The following PITX3 variants were observed in gnomAD, a reference collection of about 807,000 sequenced individuals.
PITX3 encodes pituitary homeobox 3.
Under a neutral mutation model 14.2 loss-of-function variants are expected in PITX3, and 4 were observed. That is an observed-to-expected ratio of 0.28 (90% CI 0.14 to 0.65). The LOEUF is 0.65. PITX3 is among the 30% of genes least tolerant of loss of function. PITX3 has a pLI of 0.82. For missense variants in PITX3, 358 were observed against 426.8 expected (o/e 0.84, Z 1.42); for synonymous variants, 194 against 204.5 (o/e 0.95, Z 0.44).
At chr10:102,232,656 T>C (rs2070280005) in intron 1 of PITX3, among the ~76,000 whole-genome samples, 1 of 152,218 alleles carries the variant, frequency 6.6e-6, no homozygotes, top group Non-Finnish European at 1.5e-5. Flanking sequence ...CACTCCAGCC[T>C]GGGTGACAGA....
chr10:102,233,301 C>T (rs199786840), intron 1 of PITX3, among the ~76,000 whole-genome samples: 8 of 88,372 alleles, frequency 9.1e-5, no homozygotes, highest in East Asian at 3.4e-4. Flanking sequence ...TTTTTTTTTC[C>T]TTCTTTTTTT....
At chr10:102,231,254 G>A (rs2070226044) in intron 3 of PITX3, among the ~76,000 whole-genome samples, 153 bp from the exon 4 acceptor site, 1 of 152,192 alleles carries the variant, frequency 6.6e-6, no homozygotes, top group African/African-American at 2.4e-5. Flanking sequence ...AGCGCACGGA[G>A]TCCGGGGTCG....
At chr10:102,231,883 C>G in intron 2 of PITX3, 80 bp downstream of exon 2, 1 of 1,562,450 alleles carries the variant, frequency 6.4e-7, no homozygotes, top group Non-Finnish European at 8.7e-7. Flanking sequence ...TGGCTCCCAC[C>G]GGGGCTGCCC....
chr10:102,240,170 G>A (rs2070496002), intron 1 of PITX3, among the ~76,000 whole-genome samples: 1 of 152,244 alleles, frequency 6.6e-6, no homozygotes, highest in African/African-American at 2.4e-5. Context: ...CTGGTTAATT[G>A]TATTGGAATT....
intron 1 of PITX3, among the ~76,000 whole-genome samples, chr10:102,233,304 C>CTTTTTTTTTTTT (rs35379060): frequency 4.6e-5 from 5 of 107,910 alleles, no homozygotes; most frequent in East Asian, 2.6e-4. Flanking sequence ...TTTTTTCCTT[C>CTTTTTTTTTTTT]TTTTTTTTTT....
intron 1 of PITX3, among the ~76,000 whole-genome samples, chr10:102,237,717 C>T (rs2070434312): frequency 2.0e-5 from 3 of 152,032 alleles, no homozygotes; most frequent in Non-Finnish European, 2.9e-5. Flanking sequence ...ACAAATTTTT[C>T]GTTCTATTCC....
rs1421180854 is a variant in PITX3, at chr10:102,233,625, A to G, written c.-12-1533T>C. ...AGCCTGTTTTGTTTATTATTTCTGA[A>G]GAGATTTCATTTGAAAGAAGGTAAC... is the stretch of plus-strand genomic sequence containing the variant. On this transcript the variant is annotated intron_variant, in intron 1 of 3. Transcript: ENST00000370002. 4.6e-5 allele frequency among the ~76,000 whole-genome samples: 7 copies of G among 151,938 alleles called. No homozygotes were observed. The South Asian group carries it at 6.2e-4, about 14-fold the overall frequency.
At position 102,230,676 on chromosome 10, in the gene PITX3, G is replaced by A. The variant is rs1468549178; in HGVS notation, c.747C>T (p.Ala249=). The change falls in exon 4 of 4, where the codon GCC becomes GCT. Residue 249 remains alanine (A), a synonymous_variant. Transcript: ENST00000370002. The part of the protein sequence containing the change: ...YASAAAAAAA[A]ASSPYVYRDP... Reference sequence around the variant, plus strand: ...CCCGATAGACGTAGGGGGAAGAGGCGGCAGCCGCGGCGGCGGCGGCGGCCG... The same window carrying A: ...CCCGATAGACGTAGGGGGAAGAGGCAGCAGCCGCGGCGGCGGCGGCGGCCG... 1.9e-6 allele frequency: 3 copies of A among 1,582,478 alleles called. No individual in the cohort carries two copies. Among genetic ancestry groups the A allele is most frequent in the Non-Finnish European group, 1.7e-6 (2 of 1,165,450 alleles).
rs748176165 is a variant in PITX3 at position 102,230,973 on chromosome 10, G to A, written c.450C>T (p.Gly150=). ...LVPPYEEVYP[G]YSYGNWPPKA... Reference sequence around the variant, plus strand: ...TGGGCGGCCAGTTGCCGTACGAGTAGCCGGGGTACACCTCCTCGTAGGGCG... The same window carrying A: ...TGGGCGGCCAGTTGCCGTACGAGTAACCGGGGTACACCTCCTCGTAGGGCG... Residue 150 remains glycine, a synonymous_variant, in exon 4 of 4, where the codon GGC becomes GGT. Coordinates refer to ENST00000370002, the MANE Select transcript of PITX3 (RefSeq NM_005029.4). The A allele has an allele frequency of 6.2e-7, 1 of 1,607,484 alleles. No individual in the cohort carries two copies. The highest frequency in any genetic ancestry group is 8.5e-7 in the Non-Finnish European group (1 of 1,177,988).
Position 102,230,765 on chromosome 10 carries a change from C to G in PITX3, c.658G>C (p.Gly220Arg). 1 of 1,500,028 alleles carries G rather than the reference C, an allele frequency of 6.7e-7. No homozygotes were observed. Among genetic ancestry groups the G allele is most frequent in the Non-Finnish European group, 8.9e-7 (1 of 1,127,716 alleles). 92.9% of individuals were successfully genotyped at this position (1,500,028 alleles called of 1,614,324 possible). The change falls in exon 4 of 4, where the codon GGG becomes CGG. Residue 220 changes from glycine to arginine, a missense_variant. By Grantham distance (125) the Gly-to-Arg change is moderately radical. Around this residue, in one of 3 missense-constraint regions of PITX3, gnomAD observed 236 missense variants for 250.2 expected, o/e 0.94. Coordinates refer to ENST00000370002, the MANE Select transcript of PITX3 (RefSeq NM_005029.4). ...PGPGALQGLG[G>R]GPPGLAPAAV... is the part of the protein sequence containing the mutation. ...GCCGGAGCCAGCCCGGGGGGGCCCC[C>G]GCCCAGGCCCTGCAGGGCCCCAGGC...
Position 102,234,488 on chromosome 10 carries a change from G to C in PITX3, c.-12-2396C>G, listed in dbSNP as rs185445051. Among the ~76,000 whole-genome samples the C allele has an allele frequency of 1.5e-3, 223 of 152,272 alleles. 3 individuals are homozygous for C. The highest frequency in any genetic ancestry group is 4.0e-4 in the Non-Finnish European group (27 of 68,012). On this transcript the variant is annotated intron_variant, in intron 1 of 3. Coordinates refer to ENST00000370002, the MANE Select transcript of PITX3 (RefSeq NM_005029.4). ...CCCTTCCAGGTCGGGTCAGGTCAGGGGGTTTGGAGCTGGAAAACTTTGGCC... is the reference window on the plus strand; with the variant it reads ...CCCTTCCAGGTCGGGTCAGGTCAGGCGGTTTGGAGCTGGAAAACTTTGGCC...
intron 1 of PITX3, among the ~76,000 whole-genome samples, chr10:102,239,854 C>T (rs2070487110): frequency 6.6e-6 from 1 of 152,160 alleles, no homozygotes; most frequent in Non-Finnish European, 1.5e-5. Flanking sequence ...GGGCTGTATC[C>T]CAGCTGCAGG....
chr10:102,231,477 G>A, intron 3 of PITX3, 111 bp downstream of exon 3: 1 of 716,126 alleles, frequency 1.4e-6, no homozygotes, highest in Admixed American at 2.6e-5. Context: ...CCAGGGTCCG[G>A]GGTCCGGGGT....
intron 1 of PITX3, among the ~76,000 whole-genome samples, chr10:102,237,038 G>A (rs1359839597): frequency 1.3e-5 from 2 of 152,178 alleles, no homozygotes; most frequent in Non-Finnish European, 2.9e-5. Flanking sequence ...ATTAAGGGAC[G>A]ATTCGGGGAT....
chr10:102,233,555 C>T (rs1320822059), intron 1 of PITX3, among the ~76,000 whole-genome samples: 3 of 152,186 alleles, frequency 2.0e-5, no homozygotes, highest in Non-Finnish European at 2.9e-5. Flanking sequence ...CTGCCTGCCT[C>T]GGCCTCCCAA....
At chr10:102,239,500 G>T (rs556613415) in intron 1 of PITX3, among the ~76,000 whole-genome samples, 1 of 152,360 alleles carries the variant, frequency 6.6e-6, no homozygotes, top group African/African-American at 2.4e-5. Flanking sequence ...TAATTGTGGT[G>T]TGTCTTTATA....
intron 1 of PITX3, among the ~76,000 whole-genome samples, chr10:102,239,929 T>A (rs1032852860): frequency 2.0e-5 from 3 of 152,222 alleles, no homozygotes; most frequent in African/African-American, 7.2e-5. Context: ...GAGGGCCAGA[T>A]AGCCCCCTGT....
intron 1 of PITX3, among the ~76,000 whole-genome samples, chr10:102,233,454 C>A (rs1200684974): frequency 6.6e-6 from 1 of 151,850 alleles, no homozygotes. Flanking sequence ...CAGGCACGTG[C>A]CCCCACGCCT....
rs2070256347 is a variant in PITX3, at chr10:102,231,978, C to T, written c.103G>A (p.Gly35Ser). Residue 35 changes from glycine (G) to serine (S), a missense_variant, in exon 2 of 4, where the codon GGC becomes AGC. Coordinates refer to ENST00000370002, the MANE Select transcript of PITX3 (RefSeq NM_005029.4). Reference sequence around the variant, plus strand: ...GCGCGCTTACCGCTGTGCTCCTGGCCCTTGCAGCCGTGCTCTGGGAGCTGG... The same window carrying T: ...GCGCGCTTACCGCTGTGCTCCTGGCTCTTGCAGCCGTGCTCTGGGAGCTGG... ...HPQLPEHGCK[G>S]QEHSDSEKAS... is the part of the protein sequence containing the mutation. The T allele has an allele frequency of 1.2e-6, 2 of 1,610,248 alleles. No individual in the cohort carries two copies. The highest frequency in any genetic ancestry group is 2.7e-5 in the African/African-American group (2 of 74,934).
Sources: gnomAD v4.1 joint callset for allele counts (sites outside exome capture counted in the v4.1 genomes callset) on GRCh38, gnomAD v4.1.1 for gene constraint, gnomAD v4.1.1 regional missense constraint, MANE v1.5 for transcripts, NCBI Gene and HGNC (gene_info 2026-07-23, HGNC 2026-07-21) for gene names.